The following NCOA1 variants were observed in gnomAD, a reference collection of about 807,000 sequenced individuals.
The protein encoded by NCOA1 is nuclear receptor coactivator 1.
Under a neutral mutation model 150.9 loss-of-function variants are expected in NCOA1, and 35 were observed. The ratio of observed to expected loss-of-function variants is 0.23; its 90% CI spans 0.18 to 0.31. The LOEUF is 0.31. NCOA1 is among the 10% of genes least tolerant of loss of function. The pLI is 1.00. For missense variants in NCOA1, 1,491 were observed against 1,749.3 expected, an observed-to-expected ratio of 0.85 and a Z score of 2.63; for synonymous variants, 590 against 630.0, an observed-to-expected ratio of 0.94 and a Z score of 0.95.
chr2:24,763,616 CTTTTTTTTTTT>C (rs1179539444), intron 22 of NCOA1, among the ~76,000 whole-genome samples: 3 of 85,314 alleles, frequency 3.5e-5, no homozygotes, highest in African/African-American at 1.4e-4. Context: ...GTCTCTCTCT[CTTTTTTTTTTT>C]TTTTTTTTTT....
intron 3 of NCOA1, among the ~76,000 whole-genome samples, chr2:24,595,061 A>G (rs1366793811): frequency 6.6e-6 from 1 of 152,062 alleles, no homozygotes; most frequent in African/African-American, 2.4e-5. Context: ...ATTGATATTT[A>G]TGTAATAATA....
Position 24,729,738 on chromosome 2 carries a change from C to T in NCOA1, c.3124C>T (p.Gln1042Ter). 6.2e-7 allele frequency: 1 copy of T among 1,614,226 alleles called. No homozygotes were observed. The highest frequency in any genetic ancestry group is 1.1e-5 in the South Asian group (1 of 91,086). The change falls in exon 17 of 23, where the codon CAA (glutamine) becomes TAA (stop). Residue 1042 changes from glutamine (Q) to a stop codon, truncating the protein, a stop_gained. Transcript: ENST00000348332. LOFTEE classifies it high-confidence loss of function. ...FSPGMGMQPR[Q>*]TLNRPPAAPN... ...ACCTGGCATGGGCATGCAGCCCAGG[C>T]AAACTCTAAACAGACCTCCGGCTGC...
At chr2:24,526,082 G>A (rs1664640361) in intron 1 of NCOA1, among the ~76,000 whole-genome samples, 1 of 151,910 alleles carries the variant, frequency 6.6e-6, no homozygotes, top group Non-Finnish European at 1.5e-5. Flanking sequence ...TGGCCTAATT[G>A]TTTCTTGGAT....
At chr2:24,544,896 T>C (rs1317660851) in intron 1 of NCOA1, among the ~76,000 whole-genome samples, 1 of 152,206 alleles carries the variant, frequency 6.6e-6, no homozygotes, top group South Asian at 2.1e-4. Context: ...GGAACTAGTT[T>C]TCTCATTTTT....
chr2:24,530,283 C>T (rs1445823638), intron 1 of NCOA1, among the ~76,000 whole-genome samples: 1 of 152,154 alleles, frequency 6.6e-6, no homozygotes, highest in Non-Finnish European at 1.5e-5. Flanking sequence ...AATTTGCCTT[C>T]CCATTTATTT....
chr2:24,595,923 A>C (rs943275067), intron 3 of NCOA1, among the ~76,000 whole-genome samples: 1 of 152,178 alleles, frequency 6.6e-6, no homozygotes, highest in Non-Finnish European at 1.5e-5. Context: ...CTTACACTGT[A>C]TATGGAAGCC....
intron 8 of NCOA1, among the ~76,000 whole-genome samples, chr2:24,685,995 G>A (rs1003770711): frequency 3.3e-5 from 5 of 151,942 alleles, no homozygotes; most frequent in African/African-American, 1.2e-4. Flanking sequence ...GGATAGTTCC[G>A]TTTTTCTTAT....
chr2:24,550,146 T>C (rs1314862516), intron 1 of NCOA1, among the ~76,000 whole-genome samples: 1 of 152,222 alleles, frequency 6.6e-6, no homozygotes, highest in African/African-American at 2.4e-5. Context: ...AACAAGTCTC[T>C]ACAAAGTTTG....
chr2:24,726,602 G>T lies in NCOA1; in HGVS notation c.2613G>T (p.Leu871=). The change falls in exon 15 of 23, where the codon CTG becomes CTT. Residue 871 remains leucine (L), a synonymous_variant. Coordinates refer to ENST00000348332, the MANE Select transcript of NCOA1 (RefSeq NM_003743.5). ...PTSRLNRLPE[L]ELEAIDNQFG... is the part of the protein sequence containing the mutation. ...TTCTTAAATCAGGATTACCTGAGCT[G>T]GAATTGGAAGCAATTGATAACCAAT... 1.9e-6 allele frequency: 3 copies of T among 1,606,424 alleles called. No homozygotes were observed. The highest frequency in any genetic ancestry group is 2.6e-6 in the Non-Finnish European group (3 of 1,175,636).
At chr2:24,520,799 A>G (rs1388010567) in intron 1 of NCOA1, among the ~76,000 whole-genome samples, 1 of 152,226 alleles carries the variant, frequency 6.6e-6, no homozygotes, top group South Asian at 2.1e-4. Context: ...AAATAAAATG[A>G]AAAAGTCTTG....
chr2:24,586,547 C>T (rs1223912069), intron 3 of NCOA1, among the ~76,000 whole-genome samples: 1 of 152,200 alleles, frequency 6.6e-6, no homozygotes, highest in East Asian at 1.9e-4. Flanking sequence ...GTGGCACAAT[C>T]TCAGCTCACT....
intron 19 of NCOA1, among the ~76,000 whole-genome samples, chr2:24,747,965 G>T (rs1423079618): frequency 6.6e-6 from 1 of 152,130 alleles, no homozygotes; most frequent in Non-Finnish European, 1.5e-5. Flanking sequence ...AAGTAGCTGG[G>T]CGTGGTGGCG....
intron 1 of NCOA1, among the ~76,000 whole-genome samples, chr2:24,559,306 T>G (rs1461304011): frequency 6.6e-6 from 1 of 152,162 alleles, no homozygotes; most frequent in Non-Finnish European, 1.5e-5. Context: ...ACCCTCTCAG[T>G]GCACCACAAG....
At chr2:24,566,078 T>G (rs1456144078) in intron 2 of NCOA1, among the ~76,000 whole-genome samples, 1 of 152,186 alleles carries the variant, frequency 6.6e-6, no homozygotes, top group East Asian at 1.9e-4. Context: ...TACAACTTTT[T>G]CAATCCTGCC....
chr2:24,598,352 C>A (rs1181575103), intron 3 of NCOA1, among the ~76,000 whole-genome samples: 1 of 152,012 alleles, frequency 6.6e-6, no homozygotes, highest in Non-Finnish European at 1.5e-5. Flanking sequence ...AAGAAACATT[C>A]ATTGCTATGG....
Position 24,654,161 on chromosome 2 carries a change from G to C in NCOA1, c.-17-4500G>C, listed in dbSNP as rs367719037. Among the ~76,000 whole-genome samples the C allele has an allele frequency of 5.9e-5, 9 of 152,192 alleles. No homozygotes were observed. The South Asian group carries it at 1.7e-3, about 28-fold the overall frequency. On this transcript the variant is annotated intron_variant, in intron 4 of 22. Transcript: ENST00000348332. ...GACTGATTATTTTTATTTTGTGTTTGAGTTTTAGAATGGATGGTAACAAAA... is the reference window on the plus strand; with the variant it reads ...GACTGATTATTTTTATTTTGTGTTTCAGTTTTAGAATGGATGGTAACAAAA...
intron 1 of NCOA1, among the ~76,000 whole-genome samples, chr2:24,544,397 G>A (rs79851842): frequency 0.036 from 5,469 of 152,226 alleles, 122 homozygotes; most frequent in East Asian, 0.11. Context: ...TAAAATGTGC[G>A]GAGATGGAAG....
chr2:24,524,034 T>G (rs373221554), intron 1 of NCOA1, among the ~76,000 whole-genome samples: 2 of 151,278 alleles, frequency 1.3e-5, no homozygotes, highest in African/African-American at 4.8e-5. Context: ...TTATGGGAGC[T>G]GATTTTAGGC....
chr2:24,505,973 C>G (rs1248248458), intron 1 of NCOA1, among the ~76,000 whole-genome samples: 1 of 151,768 alleles, frequency 6.6e-6, no homozygotes, highest in Non-Finnish European at 1.5e-5. Context: ...CAGACTCACT[C>G]ACACACACAC....
Sources: allele counts gnomAD v4.1 joint callset (sites outside exome capture counted in the v4.1 genomes callset), GRCh38; gene constraint gnomAD v4.1.1; transcripts MANE v1.5; gene names NCBI Gene and HGNC (gene_info 2026-07-23, HGNC 2026-07-21).